The following TACR3 variants were observed in gnomAD, a reference collection of about 807,000 sequenced individuals.
The protein encoded by TACR3 is neuromedin-K receptor.
Under a neutral mutation model 35.0 loss-of-function variants are expected in TACR3, and 34 were observed. That is an observed-to-expected ratio of 0.97 (90% CI 0.74 to 1.30). The LOEUF (loss-of-function observed/expected upper bound fraction) is 1.30, where lower values mean the gene tolerates loss of function less well. Ranked by LOEUF, TACR3 falls within the 50% of genes most tolerant of loss-of-function variation. The pLI is 0.00. For synonymous variants in TACR3, 233 were observed against 221.1 expected (o/e 1.05, Z -0.48); for missense variants, 558 against 591.7 (o/e 0.94, Z 0.59).
chr4:103,714,147 C>T (rs1723035015), intron 1 of TACR3, among the ~76,000 whole-genome samples: 1 of 151,916 alleles, frequency 6.6e-6, no homozygotes, highest in African/African-American at 2.4e-5. Flanking sequence ...TGGGGATATA[C>T]TTTTTCTTTA....
intron 1 of TACR3, among the ~76,000 whole-genome samples, chr4:103,686,942 A>G (rs1250633264): frequency 6.6e-6 from 1 of 152,126 alleles, no homozygotes; most frequent in Non-Finnish European, 1.5e-5. Context: ...AGACACAACC[A>G]AAAAAGAGAA....
chr4:103,708,516 C>A (rs1722854222), intron 1 of TACR3, among the ~76,000 whole-genome samples: 1 of 152,150 alleles, frequency 6.6e-6, no homozygotes, highest in South Asian at 2.1e-4. Context: ...ATGTCACCAT[C>A]ATCAAAGAGC....
intron 1 of TACR3, among the ~76,000 whole-genome samples, chr4:103,688,771 A>G (rs575874403): frequency 6.6e-6 from 1 of 152,226 alleles, no homozygotes. Flanking sequence ...GAGGATGTGG[A>G]GAAATAGGAA....
At chr4:103,596,678 T>C (rs531949303) in intron 3 of TACR3, among the ~76,000 whole-genome samples, 2 of 152,232 alleles carry the variant, frequency 1.3e-5, no homozygotes, top group African/African-American at 4.8e-5. Flanking sequence ...TATGGATACA[T>C]GTCCCATGTT....
chr4:103,636,809 C>G (rs146644354), intron 3 of TACR3, among the ~76,000 whole-genome samples: 2,854 of 152,200 alleles, frequency 0.019, 85 homozygotes, highest in African/African-American at 0.066. Flanking sequence ...ACTATAAACA[C>G]CTGTATGCAA....
At chr4:103,590,234 T>C (rs929019587) in intron 4 of TACR3, among the ~76,000 whole-genome samples, 1 of 152,146 alleles carries the variant, frequency 6.6e-6, no homozygotes, top group Admixed American at 6.6e-5. Context: ...AAGCATCTCA[T>C]TCCCATCAGT....
intron 3 of TACR3, among the ~76,000 whole-genome samples, chr4:103,599,297 T>A (rs1036576438): frequency 6.6e-6 from 1 of 152,232 alleles, no homozygotes; most frequent in East Asian, 1.9e-4. Flanking sequence ...TTTTTGTACA[T>A]TGATTTTGTA....
At chr4:103,690,361 G>A (rs1280205888) in intron 1 of TACR3, among the ~76,000 whole-genome samples, 1 of 151,886 alleles carries the variant, frequency 6.6e-6, no homozygotes, top group African/African-American at 2.4e-5. Context: ...AAATGAAGTG[G>A]CAACATTAAT....
At chr4:103,705,655 G>A (rs1190537223) in intron 1 of TACR3, among the ~76,000 whole-genome samples, 5 of 152,174 alleles carry the variant, frequency 3.3e-5, no homozygotes, top group African/African-American at 1.2e-4. Context: ...CATGGAAAGT[G>A]TCTCTGTAAA....
chr4:103,590,042 A>G, intron 4 of TACR3, 48 bp from the exon 5 acceptor site: 1 of 1,575,072 alleles, frequency 6.3e-7, no homozygotes, highest in Non-Finnish European at 8.6e-7. Context: ...TTTCAAGCAG[A>G]TATGTCTTTC....
At chr4:103,594,181 C>CT (rs35016258) in intron 3 of TACR3, among the ~76,000 whole-genome samples, 72,476 of 147,264 alleles carry the variant, frequency 0.49, 21,341 homozygotes, top group Non-Finnish European at 0.64. Flanking sequence ...CAAAAATAAC[C>CT]TTTTTTTTTT....
chr4:103,616,358 C>T (rs1219908205), intron 3 of TACR3, among the ~76,000 whole-genome samples: 1 of 151,708 alleles, frequency 6.6e-6, no homozygotes, highest in East Asian at 1.9e-4. Context: ...ACATAAATAA[C>T]ATATGGAGTA....
rs1722356186 is a variant in TACR3, at chr4:103,689,705, C to G, written c.548+29423G>C. The stretch of plus-strand genomic sequence containing the variant: ...CAAAGCCTAAGAGATTTGTGAGACT[C>G]TATTAAATATACAAGCATATGCATG... On this transcript the variant is annotated intron_variant, in intron 1 of 4. Coordinates refer to ENST00000304883, the MANE Select transcript of TACR3 (RefSeq NM_001059.3). Among the ~76,000 whole-genome samples, 3 of 151,828 alleles carry G rather than the reference C, an allele frequency of 2.0e-5. No individual in the cohort carries two copies. The South Asian group carries it at 6.2e-4, about 31-fold the overall frequency.
chr4:103,708,665 T>C (rs909160956), intron 1 of TACR3, among the ~76,000 whole-genome samples: 1 of 152,186 alleles, frequency 6.6e-6, no homozygotes, highest in South Asian at 2.1e-4. Context: ...AGAATGACTT[T>C]GACAAGTTGA....
rs559285681 is a variant in TACR3, at chr4:103,594,720, A to G, written c.889-3037T>C. On this transcript the variant is annotated intron_variant, in intron 3 of 4. Transcript: ENST00000304883. ...TGCAAAAAGTTCAGAAAAACATGCA[A>G]AAATTAAAATGCATGTGGAAAATGG... Among the ~76,000 whole-genome samples, 139 of 152,322 alleles carry G rather than the reference A, an allele frequency of 9.1e-4. 1 individual carries two copies. Among genetic ancestry groups the G allele is most frequent in the African/African-American group, 3.2e-3 (132 of 41,576 alleles).
In TACR3 at chr4:103,606,094, T is replaced by C. The variant is rs1438636800; in HGVS notation, c.889-14411A>G. On this transcript the variant is annotated intron_variant, in intron 3 of 4. Coordinates refer to ENST00000304883, the MANE Select transcript of TACR3 (RefSeq NM_001059.3). ...GATTAAATAGGGAATCCTTTCCCCATTTCTTGTTTTTGTCAGGTTTGTCAA... is the reference window on the plus strand; with the variant it reads ...GATTAAATAGGGAATCCTTTCCCCACTTCTTGTTTTTGTCAGGTTTGTCAA... Among the ~76,000 whole-genome samples the C allele has an allele frequency of 3.9e-5, 6 of 152,042 alleles. No individual in the cohort carries two copies. The East Asian group carries it at 1.2e-3, about 29-fold the overall frequency.
intron 1 of TACR3, among the ~76,000 whole-genome samples, chr4:103,681,721 G>T (rs1377119486): frequency 6.7e-6 from 1 of 148,902 alleles, no homozygotes. Context: ...GAAAATCAGT[G>T]AGAACATAGA....
chr4:103,597,373 C>G (rs1229541658), intron 3 of TACR3, among the ~76,000 whole-genome samples: 1 of 152,026 alleles, frequency 6.6e-6, no homozygotes, highest in Non-Finnish European at 1.5e-5. Flanking sequence ...TTTCTAAATG[C>G]TTGGAATAAA....
intron 3 of TACR3, among the ~76,000 whole-genome samples, chr4:103,614,719 A>G (rs1371874925): frequency 7.0e-6 from 1 of 142,974 alleles, no homozygotes; most frequent in Non-Finnish European, 1.5e-5. Flanking sequence ...GATTATGAAG[A>G]CTAAATGAAA....
Sources: allele counts gnomAD v4.1 joint callset (sites outside exome capture counted in the v4.1 genomes callset), GRCh38; gene constraint gnomAD v4.1.1; transcripts MANE v1.5; gene names NCBI Gene and HGNC (gene_info 2026-07-23, HGNC 2026-07-21).